Variants in PP2D1 observed in about 807,000 individuals in gnomAD.
The protein encoded by PP2D1 is protein phosphatase 2C like domain containing 1.
In PP2D1, 25 loss-of-function variants were observed where a neutral mutation model predicts 30.2. The ratio of observed to expected loss-of-function variants is 0.83; its 90% CI spans 0.60 to 1.16. The LOEUF is 1.16. Ranked by LOEUF, PP2D1 falls within the 50% of genes most tolerant of loss-of-function variation. The probability of loss-of-function intolerance (pLI) is 0.00; values close to 1 mark genes in which losing one functional copy is unlikely to be tolerated. For missense variants in PP2D1, 760 were observed against 742.4 expected (o/e 1.02, Z -0.28); for synonymous variants, 260 against 258.9 (o/e 1.00, Z -0.04).
chr3:19,990,206 A>G (rs1381643556), intron 2 of PP2D1, among the ~76,000 whole-genome samples: 3 of 151,910 alleles, frequency 2.0e-5, no homozygotes, highest in Non-Finnish European at 4.4e-5. Flanking sequence ...GTGCAGTGGC[A>G]TGATCACGGC....
rs1417455173 is a variant in PP2D1, at chr3:20,002,007, A to G, written c.113T>C (p.Phe38Ser). The G allele has an allele frequency of 6.5e-7, 1 of 1,535,996 alleles. No individual in the cohort carries two copies. Among genetic ancestry groups the G allele is most frequent in the African/African-American group, 1.4e-5 (1 of 73,132 alleles). ...DILLLPKRKRFRKKKSRPVRH... is the reference protein window; with the variant it reads ...DILLLPKRKRSRKKKSRPVRH... ...CACTGGTCTTGACTTTTTCTTTCTA[A>G]AACGTTTTCTTTTGGGTAAAAGTAG... The change falls in exon 2 of 3, where the codon TTT (phenylalanine) becomes TCT (serine). Residue 38 changes from phenylalanine to serine, a missense_variant. Physicochemically the swap from Phe to Ser is radical, Grantham distance 155. This residue lies in a region of PP2D1 where 374 missense variants were observed against 388.8 expected (regional missense o/e 0.96). Coordinates refer to ENST00000389050, the MANE Select transcript of PP2D1 (RefSeq NM_001252657.2).
At chr3:19,999,676 A>G (rs1428854388) in intron 2 of PP2D1, among the ~76,000 whole-genome samples, 1 of 152,058 alleles carries the variant, frequency 6.6e-6, no homozygotes, top group Non-Finnish European at 1.5e-5. Flanking sequence ...GGCGTGAGCC[A>G]CCACCCACAG....
downstream of PP2D1, chr3:19,984,257 T>G (rs1308017857): frequency 2.3e-6 from 1 of 431,148 alleles, no homozygotes; most frequent in African/African-American, 2.1e-5. Flanking sequence ...TTATGATGCT[T>G]AGCCATAGTA....
chr3:19,999,192 G>A (rs1697220446), intron 2 of PP2D1, among the ~76,000 whole-genome samples: 1 of 144,854 alleles, frequency 6.9e-6, no homozygotes. Flanking sequence ...CCATTCTCCT[G>A]CCACAGCCTC....
chr3:20,010,546 A>G (rs1326588020), intron 1 of PP2D1, among the ~76,000 whole-genome samples: 2 of 151,980 alleles, frequency 1.3e-5, no homozygotes, highest in Non-Finnish European at 2.9e-5. Context: ...CTCATGCTGT[A>G]ATTCCAGCAC....
intron 2 of PP2D1, among the ~76,000 whole-genome samples, chr3:19,986,757 A>T (rs1206159135): frequency 6.6e-6 from 1 of 151,998 alleles, no homozygotes; most frequent in East Asian, 1.9e-4. Context: ...TCAATCCGCC[A>T]GGTGTGGTGG....
chr3:20,003,164 ATTG>A (rs1331144228), intron 1 of PP2D1, among the ~76,000 whole-genome samples: 3 of 152,086 alleles, frequency 2.0e-5, no homozygotes, highest in African/African-American at 7.2e-5. Context: ...TATACTTTTT[ATTG>A]TTATTTTAGA....
At position 19,986,086 on chromosome 3, in the gene PP2D1, T is replaced by G; in HGVS notation, c.1187A>C (p.Gln396Pro). 3 of 1,536,046 alleles carry G rather than the reference T, an allele frequency of 2.0e-6. No homozygotes were observed. The highest frequency in any genetic ancestry group is 2.6e-6 in the Non-Finnish European group (3 of 1,146,836). The change falls in exon 3 of 3, where the codon CAG (glutamine) becomes CCG (proline). Residue 396 changes from glutamine to proline, a missense_variant. Transcript: ENST00000389050. The part of the protein sequence containing the change: ...RNTNERRRIL[Q>P]NGAVISSNEP... ...ATTTGAACTAATGACTGCTCCATTCTGAAGTATTCTTCTTCTTTCATTTGT... is the reference window on the plus strand; with the variant it reads ...ATTTGAACTAATGACTGCTCCATTCGGAAGTATTCTTCTTCTTTCATTTGT...
At chr3:19,981,266 TCTTAA>T (rs746510815), downstream of PP2D1, among the ~76,000 whole-genome samples, 5 of 152,276 alleles carry the variant, frequency 3.3e-5, no homozygotes, top group South Asian at 2.1e-4. Flanking sequence ...TTTAGTACAT[TCTTAA>T]CTTACTACGG....
chr3:19,999,056 C>G (rs1284789677), intron 2 of PP2D1, among the ~76,000 whole-genome samples: 1 of 150,726 alleles, frequency 6.6e-6, no homozygotes, highest in Non-Finnish European at 1.5e-5. Context: ...GAGATTAGAA[C>G]CAACCAATCA....
rs1300981822 is a variant in PP2D1 at position 20,001,835 on chromosome 3, C to T, written c.285G>A (p.Trp95Ter). Residue 95 changes from tryptophan to a stop codon, truncating the protein, a stop_gained, in exon 2 of 3, where the codon TGG becomes TGA. Coordinates refer to ENST00000389050, the MANE Select transcript of PP2D1 (RefSeq NM_001252657.2). LOFTEE classifies it high-confidence loss of function. ...AGGGCTGTGGTTTCTTTCTACCCAT[C>T]CATTGGAAACCCAGCGTGGCCAGAG... ...HVALATLGFQ[W>*]MGRKKPQPSV... 5 of 1,535,296 alleles carry T rather than the reference C, an allele frequency of 3.3e-6. No homozygotes were observed. Among genetic ancestry groups the T allele is most frequent in the Non-Finnish European group, 4.4e-6 (5 of 1,146,628 alleles).
Position 19,986,189 on chromosome 3 carries a change from G to T in PP2D1, c.1091-7C>A, listed in dbSNP as rs1215244117. ...AAGACTGCTTGCACATTACCTAAAA[G>T]ATTATTTTTTAAAAGAAGAAATTTT... On this transcript the variant is annotated splice_region_variant and splice_polypyrimidine_tract_variant and intron_variant, in intron 2 of 2. Transcript: ENST00000389050. The T allele has an allele frequency of 6.9e-7, 1 of 1,449,494 alleles. No homozygotes were observed. The highest frequency in any genetic ancestry group is 2.5e-5 in the East Asian group (1 of 39,508). 89.8% of individuals were successfully genotyped at this position (1,449,494 alleles called of 1,614,324 possible). A position where few individuals can be genotyped will look rare whatever the true frequency, so the allele number is the denominator to read the frequency against.
Position 19,986,193 on chromosome 3 carries a change from A to G in PP2D1, c.1091-11T>C, listed in dbSNP as rs1697032030. On this transcript the variant is annotated splice_polypyrimidine_tract_variant and intron_variant, in intron 2 of 2. Coordinates refer to ENST00000389050, the MANE Select transcript of PP2D1 (RefSeq NM_001252657.2). Reference sequence around the variant, plus strand: ...CTGCTTGCACATTACCTAAAAGATTATTTTTTAAAAGAAGAAATTTTTATC... The same window carrying G: ...CTGCTTGCACATTACCTAAAAGATTGTTTTTTAAAAGAAGAAATTTTTATC... 1 of 1,445,894 alleles carries G rather than the reference A, an allele frequency of 6.9e-7. No homozygotes were observed. Among genetic ancestry groups the G allele is most frequent in the Non-Finnish European group, 9.0e-7 (1 of 1,105,736 alleles). The allele number at this position is 1,445,894 out of a possible 1,614,324, so 89.6% of individuals were successfully genotyped here.
chr3:20,000,133 A>G (rs1697233214), intron 2 of PP2D1, among the ~76,000 whole-genome samples: 1 of 152,230 alleles, frequency 6.6e-6, no homozygotes, highest in Non-Finnish European at 1.5e-5. Context: ...AAGAGGTAAC[A>G]TGATATGGTA....
chr3:19,997,664 C>T (rs529929709), intron 2 of PP2D1, among the ~76,000 whole-genome samples: 17 of 152,182 alleles, frequency 1.1e-4, no homozygotes, highest in South Asian at 6.2e-4. Flanking sequence ...AAGTACACAA[C>T]GGAATACTAT....
chr3:20,001,290 C>T lies in PP2D1; in HGVS notation c.830G>A (p.Cys277Tyr). Residue 277 changes from cysteine (C) to tyrosine (Y), a missense_variant, in exon 2 of 3, where the codon TGT becomes TAT. Coordinates refer to ENST00000389050, the MANE Select transcript of PP2D1 (RefSeq NM_001252657.2). ...GGCTTTGTGTGTGTCCTCATACTCA[C>T]ACCTCACTGCTTCTGTTTTGTTTAT... ...SAINKTEAVR[C>Y]EYEDTHKAFA... 3 of 1,535,972 alleles carry T rather than the reference C, an allele frequency of 2.0e-6. No individual in the cohort carries two copies. The highest frequency in any genetic ancestry group is 2.6e-6 in the Non-Finnish European group (3 of 1,146,740).
intron 2 of PP2D1, among the ~76,000 whole-genome samples, chr3:19,994,235 A>C (rs1189467693): frequency 6.6e-6 from 1 of 152,196 alleles, no homozygotes; most frequent in African/African-American, 2.4e-5. Context: ...ACTATTTCAA[A>C]TTAGGCCAAA....
At chr3:19,995,284 C>T (rs748259390) in intron 2 of PP2D1, among the ~76,000 whole-genome samples, 7 of 152,218 alleles carry the variant, frequency 4.6e-5, no homozygotes, top group African/African-American at 1.4e-4. Flanking sequence ...ATTATCCAGG[C>T]GGGCCCAAAT....
chr3:19,988,501 C>G (rs531573080), intron 2 of PP2D1, among the ~76,000 whole-genome samples: 1 of 152,254 alleles, frequency 6.6e-6, no homozygotes, highest in East Asian at 1.9e-4. Flanking sequence ...AATGCATGCC[C>G]AAAACTTCAT....
Sources: gnomAD v4.1 joint callset for allele counts (sites outside exome capture counted in the v4.1 genomes callset) on GRCh38, gnomAD v4.1.1 for gene constraint, gnomAD v4.1.1 regional missense constraint, MANE v1.5 for transcripts, NCBI Gene and HGNC (gene_info 2026-07-23, HGNC 2026-07-21) for gene names.